Variants in XKR9 observed in about 807,000 individuals in gnomAD.
XKR9 encodes XK-related protein 9.
In XKR9, 32 loss-of-function variants were observed where a neutral mutation model predicts 32.0. That is an observed-to-expected ratio of 1.00 (90% CI 0.76 to 1.34). XKR9 has a LOEUF of 1.34. XKR9 is among the 40% of genes most tolerant of loss of function. The probability of loss-of-function intolerance (pLI) is 0.00; values close to 1 mark genes in which losing one functional copy is unlikely to be tolerated. For missense variants in XKR9, 546 were observed against 429.7 expected (o/e 1.27, Z -2.39); for synonymous variants, 168 against 143.4 (o/e 1.17, Z -1.22).
the XKR9 span, among the ~76,000 whole-genome samples, chr8:70,936,626 A>G: frequency 1.3e-5 from 2 of 152,040 alleles, no homozygotes; most frequent in Non-Finnish European, 2.9e-5. Context: ...TTGTTTCTAA[A>G]TGCGATGACT....
chr8:70,956,222 G>C, the XKR9 span, among the ~76,000 whole-genome samples: 1 of 152,168 alleles, frequency 6.6e-6, no homozygotes, highest in Non-Finnish European at 1.5e-5. Flanking sequence ...TGGAGGGTGA[G>C]CAAGGCAGAG....
the XKR9 span, among the ~76,000 whole-genome samples, chr8:71,004,451 A>G: frequency 6.6e-6 from 1 of 152,196 alleles, no homozygotes; most frequent in Non-Finnish European, 1.5e-5. Flanking sequence ...AAATGGAAAG[A>G]CAAACAATTG....
the XKR9 span, among the ~76,000 whole-genome samples, chr8:70,836,582 G>A: frequency 3.3e-5 from 5 of 151,656 alleles, no homozygotes; most frequent in African/African-American, 4.8e-5. Flanking sequence ...TTAAAAAAAT[G>A]ATTTAAAAAA....
rs141047571 is a variant in XKR9 at position 70,758,976 on chromosome 8, T to C, written n.353-30363T>C. Reference sequence around the variant, plus strand: ...GATGAATTATGCAGAGGTCTACCTATTGTTCTGACGGGGAGGGATCCTTCA... The same window carrying C: ...GATGAATTATGCAGAGGTCTACCTACTGTTCTGACGGGGAGGGATCCTTCA... On this transcript the variant is annotated intron_variant and non_coding_transcript_variant, in intron 2 of 3. Transcript: ENST00000520273. Among the ~76,000 whole-genome samples, 598 of 152,350 alleles carry C rather than the reference T, an allele frequency of 3.9e-3. 5 individuals are homozygous for C. Among genetic ancestry groups the C allele is most frequent in the African/African-American group, 0.014 (564 of 41,568 alleles).
intron 2 of XKR9, among the ~76,000 whole-genome samples, chr8:70,749,370 C>G (rs1183411510): frequency 6.6e-6 from 1 of 151,768 alleles, no homozygotes; most frequent in Non-Finnish European, 1.5e-5. Flanking sequence ...GCTCCCCAAG[C>G]CAGGGCTGTG....
At chr8:70,871,433 T>G in the XKR9 span, among the ~76,000 whole-genome samples, 1 of 152,330 alleles carries the variant, frequency 6.6e-6, no homozygotes, top group East Asian at 1.9e-4. Context: ...ACATGCTCAC[T>G]TTGTGTCTCT....
chr8:70,904,403 T>C, the XKR9 span, among the ~76,000 whole-genome samples: 2 of 152,182 alleles, frequency 1.3e-5, no homozygotes, highest in African/African-American at 2.4e-5. Context: ...TCTTTGTTGG[T>C]TTAAAGTCTC....
the XKR9 span, among the ~76,000 whole-genome samples, chr8:71,046,873 G>C: frequency 6.6e-6 from 1 of 152,266 alleles, no homozygotes; most frequent in African/African-American, 2.4e-5. Context: ...TTCAAGTTGT[G>C]GTTGACTCCT....
intron 4 of XKR9, among the ~76,000 whole-genome samples, chr8:70,727,591 G>C (rs1363550279): frequency 6.6e-6 from 1 of 151,886 alleles, no homozygotes. Flanking sequence ...GTTGAGATGG[G>C]GTTTCACCAT....
chr8:70,783,054 C>T (rs919253954), intron 2 of XKR9, among the ~76,000 whole-genome samples: 6 of 152,244 alleles, frequency 3.9e-5, no homozygotes, highest in African/African-American at 4.8e-5. Context: ...AAGGTTGAAC[C>T]ACCAAGGGTT....
At chr8:70,678,038 A>G (rs1023919416) in intron 2 of XKR9, 2 of 152,208 alleles carry the variant, frequency 1.3e-5, no homozygotes, top group Non-Finnish European at 2.9e-5. Context: ...AGGATTCAAA[A>G]TCTAGTGCAT....
the XKR9 span, among the ~76,000 whole-genome samples, chr8:70,992,923 A>G: frequency 6.6e-6 from 1 of 152,192 alleles, no homozygotes; most frequent in Non-Finnish European, 1.5e-5. Context: ...ATTAAGTTTC[A>G]CTGACAGAGG....
chr8:70,978,895 T>G, the XKR9 span, among the ~76,000 whole-genome samples: 1 of 152,234 alleles, frequency 6.6e-6, no homozygotes, highest in African/African-American at 2.4e-5. Flanking sequence ...ATTTGTTTTT[T>G]TCCCATAGTC....
chr8:70,826,566 T>A, the XKR9 span, among the ~76,000 whole-genome samples: 2 of 152,312 alleles, frequency 1.3e-5, no homozygotes, highest in Non-Finnish European at 2.9e-5. Flanking sequence ...AAGTTATTTA[T>A]ATTGATTTAT....
chr8:71,047,506 T>A, the XKR9 span, among the ~76,000 whole-genome samples: 2 of 152,228 alleles, frequency 1.3e-5, no homozygotes, highest in African/African-American at 4.8e-5. Context: ...AAAGTGATCA[T>A]GTGTAGTAAA....
intron 2 of XKR9, among the ~76,000 whole-genome samples, chr8:70,761,688 C>G (rs1807311186): frequency 6.6e-6 from 1 of 151,786 alleles, no homozygotes; most frequent in African/African-American, 2.4e-5. Context: ...TGCAGAAGCT[C>G]TTTAGTTTAA....
chr8:70,718,949 CTTA>C (rs1384133059), intron 4 of XKR9, among the ~76,000 whole-genome samples: 2 of 152,286 alleles, frequency 1.3e-5, no homozygotes, highest in East Asian at 3.9e-4. Flanking sequence ...TAAAAGCATT[CTTA>C]TTTCTCCAGA....
At chr8:70,966,773 T>C in the XKR9 span, among the ~76,000 whole-genome samples, 11 of 152,308 alleles carry the variant, frequency 7.2e-5, no homozygotes, top group South Asian at 2.1e-3. Context: ...TGTAGGTCTC[T>C]AACAACTTGC....
the XKR9 span, among the ~76,000 whole-genome samples, chr8:71,038,113 T>C: frequency 2.0e-5 from 3 of 152,180 alleles, no homozygotes; most frequent in African/African-American, 7.2e-5. Context: ...TCTAACAAAA[T>C]GTTACAATAT....
Sources: gnomAD v4.1 joint callset for allele counts (sites outside exome capture counted in the v4.1 genomes callset) on GRCh38, gnomAD v4.1.1 for gene constraint, MANE v1.5 for transcripts, NCBI Gene and HGNC (gene_info 2026-07-23, HGNC 2026-07-21) for gene names.